The following PEX13 variants were observed in gnomAD, a reference collection of about 807,000 sequenced individuals.
PEX13 encodes peroxisome biogenesis factor 13.
A neutral mutation model predicts 34.5 loss-of-function variants in PEX13; 28 were observed. That is an observed-to-expected ratio of 0.81 (90% CI 0.60 to 1.11). The LOEUF (loss-of-function observed/expected upper bound fraction) is 1.11, where lower values mean the gene tolerates loss of function less well. Ranked by LOEUF, PEX13 falls within the 50% of genes most tolerant of loss-of-function variation. The pLI, the probability that PEX13 is intolerant of heterozygous loss-of-function variation, is 0.00. For missense variants in PEX13, 550 were observed against 491.0 expected, an observed-to-expected ratio of 1.12 and a Z score of -1.13; for synonymous variants, 177 against 175.1, an observed-to-expected ratio of 1.01 and a Z score of -0.09.
intron 1 of PEX13, among the ~76,000 whole-genome samples, chr2:61,029,861 A>G (rs1573552418): frequency 1.3e-5 from 2 of 152,250 alleles, no homozygotes; most frequent in African/African-American, 2.4e-5. Context: ...TGTACTGAAC[A>G]TGTACAGACT....
intron 1 of PEX13, 138 bp from the exon 2 acceptor site, chr2:61,031,281 G>A: frequency 1.4e-6 from 1 of 733,022 alleles, no homozygotes; most frequent in Non-Finnish European, 2.4e-6. Flanking sequence ...AACAGAGTGA[G>A]ACCCTGTCTC....
chr2:61,045,630 C>G (rs750415190), intron 2 of PEX13, 96 bp from the exon 3 acceptor site: 8 of 1,106,046 alleles, frequency 7.2e-6, no homozygotes, highest in East Asian at 2.4e-5. Flanking sequence ...GGACTTTTCT[C>G]TTGGCAAATT....
At chr2:61,018,878 T>A (rs1680180128) in intron 1 of PEX13, 1 of 152,338 alleles carries the variant, frequency 6.6e-6, no homozygotes, top group South Asian at 2.1e-4. Flanking sequence ...AGAGAGGTTT[T>A]ATTTTTTGCA....
chr2:61,050,395 T>C lies in PEX13; in HGVS notation c.*1625T>C, dbSNP rs1444642604. 6.6e-6 allele frequency: 1 copy of C among 152,066 alleles called. No homozygotes were observed. Among genetic ancestry groups the C allele is most frequent in the Non-Finnish European group, 1.5e-5 (1 of 67,970 alleles). The allele number at this position is 152,066 out of a possible 1,614,324, so 9.4% of individuals were successfully genotyped here. On this transcript the variant is annotated 3_prime_UTR_variant, in exon 4 of 4. Transcript: ENST00000295030. ...TGTCTCAAAACAAACAAACAAAAAA[T>C]AATAATACGATAATGCTATTTGACG...
At chr2:61,022,232 G>A (rs548773517) in intron 1 of PEX13, among the ~76,000 whole-genome samples, 4 of 152,268 alleles carry the variant, frequency 2.6e-5, no homozygotes, top group South Asian at 4.1e-4. Flanking sequence ...AAACTTCTCC[G>A]AGCTAAAGGA....
intron 1 of PEX13, among the ~76,000 whole-genome samples, chr2:61,021,322 T>C (rs898925215): frequency 5.9e-5 from 9 of 152,142 alleles, no homozygotes; most frequent in African/African-American, 2.2e-4. Flanking sequence ...GCCCAAATAG[T>C]GGGCTTTTTC....
chr2:61,038,294 A>AAC (rs942444653), intron 2 of PEX13, among the ~76,000 whole-genome samples: 2 of 152,078 alleles, frequency 1.3e-5, no homozygotes, highest in Non-Finnish European at 2.9e-5. Context: ...CTGGCAGAGA[A>AAC]ACACACACAC....
intron 1 of PEX13, among the ~76,000 whole-genome samples, chr2:61,026,601 C>T (rs76847063): frequency 2.0e-5 from 3 of 151,774 alleles, no homozygotes; most frequent in African/African-American, 4.8e-5. Context: ...CCACCTCAGC[C>T]TCCCAAAGTG....
At chr2:61,046,360 C>G (rs999067509) in intron 3 of PEX13, among the ~76,000 whole-genome samples, 6 of 152,062 alleles carry the variant, frequency 3.9e-5, no homozygotes, top group Non-Finnish European at 8.8e-5. Context: ...TATTTTTGGA[C>G]CAAGTCACTG....
intron 2 of PEX13, among the ~76,000 whole-genome samples, chr2:61,042,859 C>A (rs1004124996): frequency 3.9e-5 from 6 of 152,170 alleles, no homozygotes; most frequent in African/African-American, 1.4e-4. Flanking sequence ...GCATTTTGAA[C>A]AACATGGCCA....
At chr2:61,025,116 T>C (rs1344763860) in intron 1 of PEX13, among the ~76,000 whole-genome samples, 1 of 152,022 alleles carries the variant, frequency 6.6e-6, no homozygotes, top group East Asian at 1.9e-4. Flanking sequence ...TTGCCCAGGC[T>C]GGAGTGCAGT....
At chr2:61,027,622 C>G (rs936530222) in intron 1 of PEX13, among the ~76,000 whole-genome samples, 1 of 152,202 alleles carries the variant, frequency 6.6e-6, no homozygotes, top group East Asian at 1.9e-4. Flanking sequence ...TTCATTGAAG[C>G]CTGCATCTTG....
At chr2:61,036,680 T>A (rs1280270436) in intron 2 of PEX13, among the ~76,000 whole-genome samples, 3 of 152,054 alleles carry the variant, frequency 2.0e-5, no homozygotes, top group Non-Finnish European at 1.5e-5. Flanking sequence ...CATGCCAAAT[T>A]GTAAAGACCA....
intron 2 of PEX13, among the ~76,000 whole-genome samples, chr2:61,035,078 A>G (rs1202154012): frequency 6.6e-6 from 1 of 152,194 alleles, no homozygotes; most frequent in African/African-American, 2.4e-5. Flanking sequence ...GTCAACAGAC[A>G]CCTTCAACAG....
At chr2:61,022,338 A>G (rs1450145145) in intron 1 of PEX13, among the ~76,000 whole-genome samples, 1 of 152,192 alleles carries the variant, frequency 6.6e-6, no homozygotes, top group East Asian at 1.9e-4. Flanking sequence ...ACCTTAAATG[A>G]CCTGATGGAG....
intron 1 of PEX13, among the ~76,000 whole-genome samples, chr2:61,021,518 A>G (rs546031598): frequency 7.2e-5 from 11 of 152,312 alleles, no homozygotes; most frequent in South Asian, 2.1e-4. Flanking sequence ...GCGCCCAGGA[A>G]GCTTGAACTG....
At position 61,050,065 on chromosome 2, in the gene PEX13, ATT is replaced by A. The variant is rs1680770586; in HGVS notation, c.*1297_*1298del. 6.6e-6 allele frequency: 1 copy of A among 152,266 alleles called. No individual in the cohort carries two copies. Among genetic ancestry groups the A allele is most frequent in the African/African-American group, 2.4e-5 (1 of 41,444 alleles). 9.4% of individuals were successfully genotyped at this position (152,266 alleles called of 1,614,324 possible). On this transcript the variant is annotated 3_prime_UTR_variant, in exon 4 of 4. Coordinates refer to ENST00000295030, the MANE Select transcript of PEX13 (RefSeq NM_002618.4). Reference sequence around the variant, plus strand: ...GGTTTAGTTTTTACTACTGAGACTTATTTATAGTCTTAGTGCTCTATTGCCAT... The same window carrying A: ...GGTTTAGTTTTTACTACTGAGACTTATATAGTCTTAGTGCTCTATTGCCAT...
At position 61,017,732 on chromosome 2, in the gene PEX13, G is replaced by C; in HGVS notation, c.-28G>C. The C allele has an allele frequency of 6.5e-7, 1 of 1,540,378 alleles. No homozygotes were observed. Among genetic ancestry groups the C allele is most frequent in the Non-Finnish European group, 8.8e-7 (1 of 1,139,264 alleles). On this transcript the variant is annotated 5_prime_UTR_variant, in exon 1 of 4. Transcript: ENST00000295030. ...CGCGGGCCTGGACAGTCAGGGGTAG[G>C]AGCGGGAGCCGAGAGGAGGCGGAGG...
Position 61,017,849 on chromosome 2 carries a change from C to A in PEX13, c.90C>A (p.Phe30Leu). The change falls in exon 1 of 4, where the codon TTC (phenylalanine) becomes TTA (leucine). Residue 30 changes from phenylalanine to leucine, a missense_variant and splice_region_variant. Transcript: ENST00000295030. ...CGGGACCAGGACCGGGCCCCACTTTCCAGTGAGTGTGGGATTCTTCAGGCT... is the reference window on the plus strand; with the variant it reads ...CGGGACCAGGACCGGGCCCCACTTTACAGTGAGTGTGGGATTCTTCAGGCT... ...AGPGPGPGPT[F>L]QSADLGPTLM... 1 of 1,550,384 alleles carries A rather than the reference C, an allele frequency of 6.5e-7. No homozygotes were observed. Among genetic ancestry groups the A allele is most frequent in the Non-Finnish European group, 8.7e-7 (1 of 1,146,686 alleles).
Sources: allele counts gnomAD v4.1 joint callset (sites outside exome capture counted in the v4.1 genomes callset), GRCh38; gene constraint gnomAD v4.1.1; transcripts MANE v1.5; gene names NCBI Gene and HGNC (gene_info 2026-07-23, HGNC 2026-07-21).